SMARCAL1: variants seen among roughly 807,000 people sequenced by gnomAD.
SMARCAL1 encodes SNF2 related chromatin remodeling annealing helicase 1.
In SMARCAL1, 58 loss-of-function variants were observed where a neutral mutation model predicts 94.5. That is an observed-to-expected ratio of 0.61 (90% confidence interval 0.50 to 0.76). The LOEUF is 0.76. Among genes scored for constraint, SMARCAL1 ranks in the 30% least tolerant of loss-of-function variants. The probability of loss-of-function intolerance (pLI) is 0.00; values close to 1 mark genes in which losing one functional copy is unlikely to be tolerated. For synonymous variants in SMARCAL1, 422 were observed against 455.1 expected, an observed-to-expected ratio of 0.93 and a Z score of 0.93; for missense variants, 1,051 against 1,177.9, an observed-to-expected ratio of 0.89 and a Z score of 1.58.
chr2:216,422,186 A>C (rs1693737723), intron 5 of SMARCAL1, among the ~76,000 whole-genome samples: 1 of 152,138 alleles, frequency 6.6e-6, no homozygotes, highest in Non-Finnish European at 1.5e-5. Flanking sequence ...GTTCGAGACC[A>C]GCCTGGCCAA....
rs143378530 is a variant in SMARCAL1 at position 216,478,228 on chromosome 2, G to A, written c.2554G>A (p.Val852Ile). The A allele has an allele frequency of 8.7e-6, 14 of 1,614,074 alleles. No individual in the cohort carries two copies. The highest frequency in any genetic ancestry group is 1.1e-5 in the Non-Finnish European group (13 of 1,180,036). The change falls in exon 17 of 18, where the codon GTT becomes ATT. Residue 852 changes from valine (V) to isoleucine (I), a missense_variant. Val to Ile is a conservative substitution (Grantham distance 29, BLOSUM62 3). This residue lies in a region of SMARCAL1 where 642 missense variants were observed against 754.7 expected (regional missense o/e 0.85). Transcript: ENST00000357276. ...LWPLIQEKIKVLAEAGLSETN... is the reference protein window; with the variant it reads ...LWPLIQEKIKILAEAGLSETN... Reference sequence around the variant, plus strand: ...GCCCCTGATTCAAGAGAAGATTAAAGTTCTGGCAGAAGCCGGGCTTTCTGA... The same window carrying A: ...GCCCCTGATTCAAGAGAAGATTAAAATTCTGGCAGAAGCCGGGCTTTCTGA...
In SMARCAL1 at chr2:216,475,737, C is replaced by G. The variant is rs571010588; in HGVS notation, c.2427+286C>G. 6.6e-6 allele frequency among the ~76,000 whole-genome samples: 1 copy of G among 152,172 alleles called. No individual in the cohort carries two copies. The highest frequency in any genetic ancestry group is 2.4e-5 in the African/African-American group (1 of 41,504). On this transcript the variant is annotated intron_variant, in intron 15 of 17. Coordinates refer to ENST00000357276, the MANE Select transcript of SMARCAL1 (RefSeq NM_014140.4). The surrounding 1 kb of genome is among the most constrained non-coding windows in gnomAD (Gnocchi z 4.4). ...TCAAGCGATTCCCCTGCCTCAGCCT[C>G]CCGAGTAGCTAGGATTACAGGTGTG... is the stretch of plus-strand genomic sequence containing the variant.
chr2:216,415,732 C>T (rs995749870), intron 3 of SMARCAL1, among the ~76,000 whole-genome samples: 2 of 152,222 alleles, frequency 1.3e-5, no homozygotes, highest in African/African-American at 4.8e-5. Flanking sequence ...ATCTGGAGAA[C>T]AGTTGAATGT....
At chr2:216,428,563 C>T (rs1574453633) in intron 6 of SMARCAL1, 33 bp from the exon 7 acceptor site, 1 of 1,608,200 alleles carries the variant, frequency 6.2e-7, no homozygotes, top group Middle Eastern at 2.2e-4. Context: ...GGCATGAACA[C>T]TCCAGCTCAT....
chr2:216,463,520 G>A (rs1392483678), intron 12 of SMARCAL1, among the ~76,000 whole-genome samples: 1 of 152,064 alleles, frequency 6.6e-6, no homozygotes, highest in Non-Finnish European at 1.5e-5. Context: ...ATGAATTTTG[G>A]GGGGACACTC....
chr2:216,474,530 G>C (rs553663357), intron 14 of SMARCAL1, among the ~76,000 whole-genome samples: 2 of 150,836 alleles, frequency 1.3e-5, no homozygotes, highest in Non-Finnish European at 3.0e-5. Context: ...CGAGGCAGGC[G>C]GATCACCTGA....
In SMARCAL1 at chr2:216,450,883, T is replaced by C. The variant is rs1694435578; in HGVS notation, c.1889T>C (p.Leu630Pro). ...TGGGACTACTCAGGTTCCTCCAACC[T>C]GGGAGAGCTGAAGCTCCTGCTGGAG... ...WGWDYSGSSN[L>P]GELKLLLEEA... Residue 630 changes from leucine (L) to proline (P), a missense_variant, in exon 12 of 18, where the codon CTG becomes CCG. This residue lies in a region of SMARCAL1 where 642 missense variants were observed against 754.7 expected (regional missense o/e 0.85). Transcript: ENST00000357276. 6.2e-7 allele frequency: 1 copy of C among 1,614,080 alleles called. No individual in the cohort carries two copies. Among genetic ancestry groups the C allele is most frequent in the Admixed American group, 1.7e-5 (1 of 60,006 alleles).
chr2:216,451,030 C>G lies in SMARCAL1; in HGVS notation c.2036C>G (p.Ala679Gly). 3.1e-6 allele frequency: 5 copies of G among 1,614,156 alleles called. No individual in the cohort carries two copies. Among genetic ancestry groups the G allele is most frequent in the Non-Finnish European group, 4.2e-6 (5 of 1,180,000 alleles). ...INARTRAALD[A>G]AAKEMTTKDK... ...GCCAGGACCAGAGCTGCCCTGGATG[C>G]TGCAGCCAAGGAAATGACCACCAAG... is the stretch of plus-strand genomic sequence containing the variant. The change falls in exon 12 of 18, where the codon GCT becomes GGT. Residue 679 changes from alanine (A) to glycine (G), a missense_variant. Around this residue, in one of 3 missense-constraint regions of SMARCAL1, gnomAD observed 642 missense variants for 754.7 expected, o/e 0.85. Transcript: ENST00000357276.
intron 14 of SMARCAL1, among the ~76,000 whole-genome samples, chr2:216,470,838 CAAAAAAAAAAA>C (rs55763206): frequency 8.3e-5 from 4 of 48,074 alleles, no homozygotes; most frequent in East Asian, 8.3e-4. Context: ...AAGAACATCT[CAAAAAAAAAAA>C]AAAAAAAAAA....
At chr2:216,461,936 C>T (rs187502268) in intron 12 of SMARCAL1, among the ~76,000 whole-genome samples, 223 of 152,204 alleles carry the variant, frequency 1.5e-3, no homozygotes, top group Non-Finnish European at 1.8e-3. Context: ...CTTTCAATTG[C>T]TCACTATTCT....
chr2:216,413,501 T>C (rs1277189380), intron 1 of SMARCAL1, among the ~76,000 whole-genome samples: 1 of 152,268 alleles, frequency 6.6e-6, no homozygotes, highest in Non-Finnish European at 1.5e-5. Flanking sequence ...TGTGCCATTT[T>C]GTTATGGATG....
chr2:216,428,469 C>T (rs1258797258), intron 6 of SMARCAL1, 127 bp from the exon 7 acceptor site: 2 of 859,392 alleles, frequency 2.3e-6, no homozygotes, highest in South Asian at 1.4e-5. Context: ...AGAGATTTCT[C>T]CACCCATTAT....
At position 216,420,170 on chromosome 2, in the gene SMARCAL1, T is replaced by G. The variant is rs1458439153; in HGVS notation, c.863-129T>G. ...TAATCTAACAGTGCCTTTTCTTGCC[T>G]TCCTGCCAAACCTAGTGCCTCTTGA... On this transcript the variant is annotated intron_variant, in intron 4 of 17. Coordinates refer to ENST00000357276, the MANE Select transcript of SMARCAL1 (RefSeq NM_014140.4). The G allele has an allele frequency of 1.3e-5, 10 of 749,948 alleles. 1 individual carries two copies. The Admixed American group carries it at 1.8e-4, about 14-fold the overall frequency. The allele number at this position is 749,948 out of a possible 1,614,324, so 46.5% of individuals were successfully genotyped here.
intron 10 of SMARCAL1, among the ~76,000 whole-genome samples, chr2:216,439,323 A>T (rs1178203062): frequency 1.5e-5 from 1 of 67,776 alleles, no homozygotes; most frequent in Non-Finnish European, 2.6e-5. Flanking sequence ...TCCTTCCATT[A>T]TGGGGGGGGG....
intron 12 of SMARCAL1, among the ~76,000 whole-genome samples, chr2:216,459,826 T>C (rs560831143): frequency 0.012 from 1,755 of 151,962 alleles, 29 homozygotes; most frequent in African/African-American, 0.04. Context: ...AAAGCCAAAA[T>C]TGACAAATGG....
At chr2:216,435,572 T>C in intron 9 of SMARCAL1, 76 bp downstream of exon 9, 1 of 1,285,004 alleles carries the variant, frequency 7.8e-7, no homozygotes, top group Non-Finnish European at 1.1e-6. Flanking sequence ...AGAACTTTCA[T>C]GTCTGTAATC....
chr2:216,442,142 G>A (rs477111), intron 10 of SMARCAL1, among the ~76,000 whole-genome samples: 22,145 of 152,026 alleles, frequency 0.15, 3,458 homozygotes, highest in African/African-American at 0.4. Context: ...GGGGCCGGGC[G>A]CAGTGGCTCA....
chr2:216,481,670 A>AT (rs1272956330), intron 17 of SMARCAL1, among the ~76,000 whole-genome samples: 2 of 151,156 alleles, frequency 1.3e-5, no homozygotes, highest in Non-Finnish European at 2.9e-5. Context: ...TGTCTGGCTA[A>AT]TTTTTTGTAT....
intron 10 of SMARCAL1, among the ~76,000 whole-genome samples, chr2:216,439,327 G>T (rs1024358464): frequency 5.6e-4 from 20 of 35,934 alleles, no homozygotes; most frequent in African/African-American, 2.4e-3. Flanking sequence ...TCCATTATGG[G>T]GGGGGGGGAT....
Sources: gnomAD v4.1 joint callset for allele counts (sites outside exome capture counted in the v4.1 genomes callset) on GRCh38, gnomAD v4.1.1 for gene constraint, gnomAD v4.1.1 regional missense constraint, Gnocchi (gnomAD v3.1) non-coding constraint, MANE v1.5 for transcripts, NCBI Gene and HGNC (gene_info 2026-07-23, HGNC 2026-07-21) for gene names.